Variants in ESR2 observed in about 807,000 individuals in gnomAD.
ESR2 encodes the protein estrogen receptor beta.
A neutral mutation model predicts 49.6 loss-of-function variants in ESR2; 36 were observed. The observed-to-expected ratio is 0.73, with a 90% CI of 0.56 to 0.96. The LOEUF is 0.96. Ranked by LOEUF, ESR2 falls within the 40% of genes least tolerant of loss-of-function variation. The probability of loss-of-function intolerance (pLI) is 0.00; values close to 1 mark genes in which losing one functional copy is unlikely to be tolerated. For missense variants in ESR2, 714 were observed against 693.0 expected (o/e 1.03, Z -0.34); for synonymous variants, 320 against 266.1 (o/e 1.20, Z -1.97).
chr14:64,333,780 G>A (rs1032584057), intron 1 of ESR2, among the ~76,000 whole-genome samples: 22 of 152,120 alleles, frequency 1.4e-4, no homozygotes, highest in Non-Finnish European at 5.9e-5. Flanking sequence ...CACAACATGT[G>A]GGAATTATGG....
intron 8 of ESR2, 81 bp downstream of exon 8, chr14:64,234,889 C>A: frequency 6.4e-7 from 1 of 1,561,860 alleles, no homozygotes; most frequent in Non-Finnish European, 8.7e-7. Context: ...CTTGCAGACA[C>A]TTTTCCCAAA....
At chr14:64,291,198 G>A (rs1366639099) in intron 1 of ESR2, among the ~76,000 whole-genome samples, 1 of 152,160 alleles carries the variant, frequency 6.6e-6, no homozygotes, top group East Asian at 1.9e-4. Flanking sequence ...CCAGGCCTGG[G>A]TTTGACAGTA....
At chr14:64,306,037 C>T (rs1484275236) in intron 1 of ESR2, among the ~76,000 whole-genome samples, 2 of 152,020 alleles carry the variant, frequency 1.3e-5, no homozygotes, top group Non-Finnish European at 2.9e-5. Context: ...GGTGAAACCC[C>T]GTCCCTAGTA....
At position 64,233,210 on chromosome 14, in the gene ESR2, A is replaced by G. The variant is rs2098728982; in HGVS notation, c.1520T>C (p.Ile507Thr). The change falls in exon 9 of 9, where the codon ATC becomes ACC. Residue 507 changes from isoleucine to threonine, a missense_variant. Physicochemically the swap from Ile to Thr is moderately conservative, Grantham distance 89. Coordinates refer to ENST00000341099, the MANE Select transcript of ESR2 (RefSeq NM_001437.3). Reference protein sequence around the residue: ...AHVLRGCKSSITGSECSPAED... With the variant: ...AHVLRGCKSSTTGSECSPAED... ...TGCCGGGCTGCACTCGGACCCCGTG[A>G]TGGAGGACTTGCACCCGCGAAGCAC... The G allele has an allele frequency of 1.9e-6, 3 of 1,614,138 alleles. No individual in the cohort carries two copies. Among genetic ancestry groups the G allele is most frequent in the Non-Finnish European group, 2.5e-6 (3 of 1,180,018 alleles).
At chr14:64,253,560 T>TG (rs2076031454) in intron 6 of ESR2, among the ~76,000 whole-genome samples, 13 of 136,544 alleles carry the variant, frequency 9.5e-5, no homozygotes, top group Non-Finnish European at 3.1e-5. Context: ...GGTACACTAT[T>TG]TGTGTGTGTG....
intron 7 of ESR2, among the ~76,000 whole-genome samples, chr14:64,246,498 A>G (rs2075858653): frequency 6.6e-6 from 1 of 152,018 alleles, no homozygotes; most frequent in Non-Finnish European, 1.5e-5. Context: ...TCTTTCCTTT[A>G]TAAATTACCC....
chr14:64,286,980 G>T (rs992352624), intron 1 of ESR2, among the ~76,000 whole-genome samples: 1 of 150,924 alleles, frequency 6.6e-6, no homozygotes, highest in Non-Finnish European at 1.5e-5. Context: ...GCCTCCCAAA[G>T]TGCTGGGATT....
intron 1 of ESR2, chr14:64,335,984 T>C (rs1306945038): frequency 9.2e-6 from 1 of 108,728 alleles, no homozygotes; most frequent in Non-Finnish European, 1.9e-5. Context: ...TGTGTGTGTG[T>C]GTGTGTGTGT....
intron 1 of ESR2, among the ~76,000 whole-genome samples, chr14:64,311,336 T>C (rs2077185675): frequency 6.6e-6 from 1 of 152,148 alleles, no homozygotes; most frequent in Admixed American, 6.5e-5. Flanking sequence ...AATTTTGCTT[T>C]ACATTTTAAA....
intron 6 of ESR2, 126 bp downstream of exon 6, chr14:64,257,100 G>C: frequency 1.2e-6 from 1 of 856,986 alleles, no homozygotes; most frequent in Non-Finnish European, 1.9e-6. Context: ...TGAAGGAGCT[G>C]ATGATGCTAT....
chr14:64,257,953 A>G (rs1171391487), intron 5 of ESR2, among the ~76,000 whole-genome samples: 1 of 152,178 alleles, frequency 6.6e-6, no homozygotes. Context: ...ATAGCCAAGC[A>G]CACCTGTAAT....
In ESR2 at chr14:64,235,096, G is replaced by A. The variant is rs146717881; in HGVS notation, c.1280C>T (p.Ala427Val). 9.7e-5 allele frequency: 157 copies of A among 1,614,154 alleles called. No homozygotes were observed. The East Asian group carries it at 2.5e-3, about 26-fold the overall frequency. ...TQDADSSRKL[A>V]HLLNAVTDAL... ...ATCGGTCACGGCGTTCAGCAAGTGAGCCAGCTTCCGGCTGCTGTCAGCATC... is the reference window on the plus strand; with the variant it reads ...ATCGGTCACGGCGTTCAGCAAGTGAACCAGCTTCCGGCTGCTGTCAGCATC... Residue 427 changes from alanine to valine, a missense_variant, in exon 8 of 9, where the codon GCT becomes GTT. Ala to Val is a moderately conservative substitution (Grantham distance 64). Coordinates refer to ENST00000341099, the MANE Select transcript of ESR2 (RefSeq NM_001437.3).
At chr14:64,333,112 T>C (rs1272526676) in intron 1 of ESR2, among the ~76,000 whole-genome samples, 1 of 151,912 alleles carries the variant, frequency 6.6e-6, no homozygotes, top group Admixed American at 6.6e-5. Flanking sequence ...ATCCTGACCT[T>C]GATAATCACA....
At chr14:64,264,303 G>C (rs1046025414) in intron 4 of ESR2, among the ~76,000 whole-genome samples, 3 of 152,138 alleles carry the variant, frequency 2.0e-5, no homozygotes, top group African/African-American at 4.8e-5. Context: ...ACATTGACTA[G>C]TTATAGTAGA....
intron 1 of ESR2, among the ~76,000 whole-genome samples, chr14:64,307,001 A>G (rs144648856): frequency 5.3e-4 from 80 of 152,128 alleles, no homozygotes; most frequent in African/African-American, 1.9e-3. Flanking sequence ...AATTTTTGGT[A>G]ATTTGGTTTT....
In ESR2 at chr14:64,282,686, C is replaced by T. The variant is rs150887025; in HGVS notation, c.300G>A (p.Ala100=). 1.7e-5 allele frequency: 28 copies of T among 1,613,726 alleles called. No homozygotes were observed. The Admixed American group carries it at 3.0e-4, about 17-fold the overall frequency. The part of the protein sequence containing the change: ...VVHRQLSHLY[A]EPQKSPWCEA... ...CACACCAGGGACTCTTTTGAGGTTC[C>T]GCATACAGATGTGATAACTGGCGAT... Residue 100 remains alanine, a synonymous_variant, in exon 2 of 9, where the codon GCG becomes GCA. Transcript: ENST00000341099.
chr14:64,315,577 C>G (rs944961080), intron 1 of ESR2, among the ~76,000 whole-genome samples: 1 of 151,674 alleles, frequency 6.6e-6, no homozygotes, highest in Non-Finnish European at 1.5e-5. Flanking sequence ...CAGGTTCAAG[C>G]GATTCTCCTG....
chr14:64,284,801 T>TC (rs2140828631), intron 1 of ESR2, among the ~76,000 whole-genome samples: 1 of 152,224 alleles, frequency 6.6e-6, no homozygotes, highest in African/African-American at 2.4e-5. Context: ...ATGCCTTTTT[T>TC]CCACTGTCTT....
chr14:64,307,685 C>T (rs2077124469), intron 1 of ESR2, among the ~76,000 whole-genome samples: 1 of 152,082 alleles, frequency 6.6e-6, no homozygotes, highest in Non-Finnish European at 1.5e-5. Flanking sequence ...CAGGCGCCCA[C>T]CACCACGCCC....
Sources: allele counts gnomAD v4.1 joint callset (sites outside exome capture counted in the v4.1 genomes callset), GRCh38; gene constraint gnomAD v4.1.1; transcripts MANE v1.5; gene names NCBI Gene and HGNC (gene_info 2026-07-23, HGNC 2026-07-21).